The following CDC25A variants were observed in gnomAD, a reference collection of about 807,000 sequenced individuals.
The protein encoded by CDC25A is M-phase inducer phosphatase 1.
A neutral mutation model predicts 64.6 loss-of-function variants in CDC25A; 17 were observed. The ratio of observed to expected loss-of-function variants is 0.26; its 90% CI spans 0.18 to 0.39. The LOEUF is 0.39. CDC25A is among the 10% of genes least tolerant of loss of function. The probability of loss-of-function intolerance (pLI) is 1.00; values close to 1 mark genes in which losing one functional copy is unlikely to be tolerated. For missense variants in CDC25A, 473 were observed against 654.8 expected, an observed-to-expected ratio of 0.72 and a Z score of 3.03; for synonymous variants, 229 against 238.6, an observed-to-expected ratio of 0.96 and a Z score of 0.37.
rs2031564350 is a variant in CDC25A at position 48,157,419 on chromosome 3, A to G, written c.*1526T>C. The G allele has an allele frequency of 6.6e-6, 1 of 152,634 alleles. No individual in the cohort carries two copies. The highest frequency in any genetic ancestry group is 2.4e-5 in the African/African-American group (1 of 41,452). The allele number at this position is 152,634 out of a possible 1,614,324, so 9.5% of individuals were successfully genotyped here. On this transcript the variant is annotated 3_prime_UTR_variant, in exon 15 of 15. Transcript: ENST00000302506. ...ATAGCCAAATGTAACTCAAACCCGT[A>G]ACACAGCAACTAGCCATCTCCAGTA...
At chr3:48,174,138 AAC>A (rs1245418806) in intron 9 of CDC25A, 144 bp downstream of exon 9, 100 of 693,826 alleles carry the variant, frequency 1.4e-4, no homozygotes, top group Middle Eastern at 4.1e-4. Context: ...TATTAAAAGA[AAC>A]ACACACACAC....
rs1054359833 is a variant in CDC25A at position 48,158,150 on chromosome 3, A to G, written c.*795T>C. The G allele has an allele frequency of 6.6e-6, 1 of 152,524 alleles. No homozygotes were observed. The highest frequency in any genetic ancestry group is 1.5e-5 in the Non-Finnish European group (1 of 68,044). The allele number at this position is 152,524 out of a possible 1,614,324, so 9.4% of individuals were successfully genotyped here. A position where few individuals can be genotyped will look rare whatever the true frequency, so the allele number is the denominator to read the frequency against. ...CTGGGGTGAGGAAGAACAGGGCCAC[A>G]CCTCCCACCAAATAGATATCGGTAG... On this transcript the variant is annotated 3_prime_UTR_variant, in exon 15 of 15. Coordinates refer to ENST00000302506, the MANE Select transcript of CDC25A (RefSeq NM_001789.3).
chr3:48,164,728 T>C (rs527625838), intron 12 of CDC25A, among the ~76,000 whole-genome samples: 5 of 152,210 alleles, frequency 3.3e-5, no homozygotes, highest in African/African-American at 1.2e-4. Context: ...TTGGGGATTT[T>C]CAAAAGCCAC....
intron 5 of CDC25A, among the ~76,000 whole-genome samples, 190 bp downstream of exon 5, chr3:48,182,739 T>C (rs1158776134): frequency 2.0e-5 from 3 of 152,134 alleles, no homozygotes; most frequent in Non-Finnish European, 1.5e-5. Flanking sequence ...AGAGCAAAGA[T>C]TAAAAAGAGA....
rs531889064 is a variant in CDC25A at position 48,185,823 on chromosome 3, A to C, written c.247+880T>G. On this transcript the variant is annotated intron_variant, in intron 2 of 14. Coordinates refer to ENST00000302506, the MANE Select transcript of CDC25A (RefSeq NM_001789.3). ...CTCATGTGTCTATACAGCCTTATGG[A>C]AAGTGAGGTGTTACAGCCCTTGCTC... Among the ~76,000 whole-genome samples the C allele has an allele frequency of 5.9e-5, 9 of 152,296 alleles. No homozygotes were observed. The South Asian group carries it at 1.9e-3, about 32-fold the overall frequency.
rs1281744528 is a variant in CDC25A, at chr3:48,187,936, G to A, written c.12C>T (p.Gly4=). MEL[G]PEPPHRRRLL... ...GGCGGCGGCGGTGCGGGGGCTCCGG[G>A]CCCAGTTCCATGGCGGCGCCCGGCC... is the stretch of plus-strand genomic sequence containing the variant. Residue 4 remains glycine (G), a synonymous_variant, in exon 1 of 15, where the codon GGC becomes GGT. Coordinates refer to ENST00000302506, the MANE Select transcript of CDC25A (RefSeq NM_001789.3). 2.0e-6 allele frequency: 3 copies of A among 1,508,604 alleles called. No individual in the cohort carries two copies. The South Asian group carries it at 3.7e-5, about 19-fold the overall frequency. The allele number at this position is 1,508,604 out of a possible 1,614,324, so 93.5% of individuals were successfully genotyped here. A position where few individuals can be genotyped will look rare whatever the true frequency, so the allele number is the denominator to read the frequency against.
intron 8 of CDC25A, among the ~76,000 whole-genome samples, chr3:48,176,825 G>A (rs1292682189): frequency 6.6e-6 from 1 of 151,436 alleles, no homozygotes; most frequent in Non-Finnish European, 1.5e-5. Flanking sequence ...ACAAAGATTA[G>A]CTGGGTGTGG....
intron 9 of CDC25A, among the ~76,000 whole-genome samples, chr3:48,173,958 A>G (rs1481943001): frequency 1.3e-5 from 2 of 152,346 alleles, no homozygotes; most frequent in Admixed American, 6.5e-5. Flanking sequence ...TCAACAGGCA[A>G]TTATGAACAT....
At position 48,186,711 on chromosome 3, in the gene CDC25A, G is replaced by A. The variant is rs1271289307; in HGVS notation, c.239C>T (p.Thr80Ile). Residue 80 changes from threonine (T) to isoleucine (I), a missense_variant, in exon 2 of 15, where the codon ACA (threonine) becomes ATA (isoleucine). By Grantham distance (89) the Thr-to-Ile change is moderately conservative (BLOSUM62 -1). Coordinates refer to ENST00000302506, the MANE Select transcript of CDC25A (RefSeq NM_001789.3). The part of the protein sequence containing the change: ...NLQRMGSSES[T>I]DSGFCLDSPG... ...ACAGCAGACTTAAATACCTGAATCT[G>A]TTGACTCGGAGGAGCCCATTCTCTG... 1 of 1,593,650 alleles carries A rather than the reference G, an allele frequency of 6.3e-7. No individual in the cohort carries two copies. Among genetic ancestry groups the A allele is most frequent in the Admixed American group, 1.7e-5 (1 of 59,052 alleles).
Position 48,187,952 on chromosome 3 carries a change from G to A in CDC25A, c.-5C>T, listed in dbSNP as rs2106775793. The A allele has an allele frequency of 6.7e-7, 1 of 1,482,014 alleles. No individual in the cohort carries two copies. The highest frequency in any genetic ancestry group is 8.9e-7 in the Non-Finnish European group (1 of 1,121,286). The allele number at this position is 1,482,014 out of a possible 1,614,324, so 91.8% of individuals were successfully genotyped here. A position where few individuals can be genotyped will look rare whatever the true frequency, so the allele number is the denominator to read the frequency against. ...GGGCTCCGGGCCCAGTTCCATGGCG[G>A]CGCCCGGCCTCGCAGAGCTCCCGCT... On this transcript the variant is annotated 5_prime_UTR_variant, in exon 1 of 15. Transcript: ENST00000302506.
rs973251769 is a variant in CDC25A, at chr3:48,178,432, G to A, written c.550-444C>T. 2.0e-5 allele frequency among the ~76,000 whole-genome samples: 3 copies of A among 152,152 alleles called. No homozygotes were observed. The South Asian group carries it at 6.2e-4, about 32-fold the overall frequency. On this transcript the variant is annotated intron_variant, in intron 6 of 14. Coordinates refer to ENST00000302506, the MANE Select transcript of CDC25A (RefSeq NM_001789.3). ...ATATATAACTCCAGTTCTGACAGGGGGGAATAAAGGGTAACTTCCTTCTAT... is the reference window on the plus strand; with the variant it reads ...ATATATAACTCCAGTTCTGACAGGGAGGAATAAAGGGTAACTTCCTTCTAT...
intron 8 of CDC25A, 176 bp from the exon 9 acceptor site, chr3:48,174,633 C>T: frequency 1.7e-6 from 1 of 580,548 alleles, no homozygotes; most frequent in Non-Finnish European, 3.0e-6. Flanking sequence ...ACATAGTAGG[C>T]ACTGAGCACT....
chr3:48,162,266 TTGTGTGTG>T (rs35591959), intron 13 of CDC25A, among the ~76,000 whole-genome samples: 61 of 144,792 alleles, frequency 4.2e-4, no homozygotes, highest in Middle Eastern at 7.0e-3. Context: ...AGTATAACCT[TTGTGTGTG>T]TGTGTGTGTG....
At chr3:48,183,300 C>T (rs1378782227) in intron 4 of CDC25A, among the ~76,000 whole-genome samples, 1 of 152,116 alleles carries the variant, frequency 6.6e-6, no homozygotes, top group Non-Finnish European at 1.5e-5. Context: ...CAAATCAATC[C>T]CCAAATAACA....
chr3:48,181,531 C>T (rs1403833047), intron 5 of CDC25A: 2 of 1,426,904 alleles, frequency 1.4e-6, no homozygotes, highest in East Asian at 4.6e-5. Flanking sequence ...TCGCGGTCGG[C>T]ACTGAGGCTG....
At chr3:48,159,167 G>T in intron 14 of CDC25A, 82 bp from the exon 15 acceptor site, 1 of 1,528,364 alleles carries the variant, frequency 6.5e-7, no homozygotes. Context: ...AGGGCTACAA[G>T]GCTGAAAGCG....
chr3:48,171,094 G>A (rs775045494), intron 9 of CDC25A, among the ~76,000 whole-genome samples: 21 of 151,958 alleles, frequency 1.4e-4, no homozygotes, highest in Non-Finnish European at 2.1e-4. Context: ...TATTCTGGCC[G>A]GGCACAGTGG....
chr3:48,168,071 T>C (rs1253035814), intron 9 of CDC25A, 127 bp from the exon 10 acceptor site: 14 of 602,598 alleles, frequency 2.3e-5, no homozygotes, highest in Non-Finnish European at 3.9e-5. Context: ...GTTTTTATTT[T>C]ATTTTATTGA....
chr3:48,184,524 C>T, intron 3 of CDC25A, 129 bp downstream of exon 3: 2 of 666,346 alleles, frequency 3.0e-6, no homozygotes, highest in Non-Finnish European at 2.6e-6. Context: ...CTTGAGATTC[C>T]AGAGTGTTTC....
Sources: allele counts gnomAD v4.1 joint callset (sites outside exome capture counted in the v4.1 genomes callset), GRCh38; gene constraint gnomAD v4.1.1; transcripts MANE v1.5; gene names NCBI Gene and HGNC (gene_info 2026-07-23, HGNC 2026-07-21).